LOC400499: variants seen among roughly 807,000 people sequenced by gnomAD.
chr16:11,418,306 C>G, the LOC400499 span, among the ~76,000 whole-genome samples: 2,010 of 152,188 alleles, frequency 0.013, 54 homozygotes, highest in African/African-American at 0.045. Context: ...GGCTGCATTC[C>G]CAGGAGGTCA....
the LOC400499 span, among the ~76,000 whole-genome samples, chr16:11,490,996 C>T: frequency 1.3e-5 from 2 of 152,212 alleles, no homozygotes; most frequent in East Asian, 3.8e-4. Context: ...AAGCAACAGT[C>T]ACACATATGG....
At chr16:11,401,282 C>A in the LOC400499 span, 3 of 399,006 alleles carry the variant, frequency 7.5e-6, no homozygotes, top group African/African-American at 2.1e-5. Flanking sequence ...GCTCTGCCTG[C>A]CACCCCTGCT....
chr16:11,521,860 A>G, the LOC400499 span: 1 of 398,118 alleles, frequency 2.5e-6, no homozygotes, highest in East Asian at 3.6e-5. Context: ...TCTGTTGATT[A>G]AGCAAATTGG....
the LOC400499 span, among the ~76,000 whole-genome samples, chr16:11,434,396 C>T: frequency 5.4e-3 from 828 of 152,118 alleles, 9 homozygotes; most frequent in African/African-American, 0.019. Context: ...CGGTGGTGAG[C>T]CTGTGATTCC....
chr16:11,446,863 G>A, the LOC400499 span: 2 of 1,536,050 alleles, frequency 1.3e-6, no homozygotes, highest in Non-Finnish European at 1.7e-6. Flanking sequence ...AGCTGTGAAG[G>A]TCTCCTGCAG....
At chr16:11,417,706 C>A in the LOC400499 span, 3 of 399,146 alleles carry the variant, frequency 7.5e-6, no homozygotes, top group Admixed American at 1.3e-4. Flanking sequence ...ACTGTTGTGC[C>A]AGCTCCGGCC....
chr16:11,392,780 G>A, the LOC400499 span: 2 of 984,128 alleles, frequency 2.0e-6, no homozygotes, highest in Non-Finnish European at 2.4e-6. Flanking sequence ...ACAGTGGCTG[G>A]ATCACAGCTC....
chr16:11,400,124 G>A, the LOC400499 span, among the ~76,000 whole-genome samples: 186 of 150,486 alleles, frequency 1.2e-3, no homozygotes, highest in African/African-American at 4.1e-3. Context: ...GAAAGCAACC[G>A]TGCTCCTCAC....
chr16:11,478,474 G>A, the LOC400499 span: 23 of 398,888 alleles, frequency 5.8e-5, no homozygotes, highest in Middle Eastern at 1.9e-3. Flanking sequence ...ATGCCCTTAA[G>A]TGCTTTGCCA....
At chr16:11,380,970 G>C in the LOC400499 span, 2 of 159,666 alleles carry the variant, frequency 1.3e-5, no homozygotes, top group Non-Finnish European at 2.8e-5. Context: ...CCATGAAGTT[G>C]ATTCCTGCCT....
the LOC400499 span, chr16:11,456,890 G>C: frequency 6.5e-7 from 1 of 1,536,086 alleles, no homozygotes; most frequent in East Asian, 2.4e-5. Flanking sequence ...CCCGAGATGT[G>C]TCCTTCCACT....
chr16:11,443,733 G>A, the LOC400499 span, among the ~76,000 whole-genome samples: 9 of 152,164 alleles, frequency 5.9e-5, no homozygotes, highest in African/African-American at 2.2e-4. Context: ...CCAGAGAGAT[G>A]AAATAATTTG....
chr16:11,513,311 GGGA>G, the LOC400499 span, among the ~76,000 whole-genome samples: 2 of 150,498 alleles, frequency 1.3e-5, no homozygotes. Context: ...GGGCTGAGGT[GGGA>G]GGATCACCTG....
At chr16:11,498,806 C>T in the LOC400499 span, among the ~76,000 whole-genome samples, 1 of 151,622 alleles carries the variant, frequency 6.6e-6, no homozygotes. Context: ...GTGCTGTGTC[C>T]CAGACTAATG....
chr16:11,399,079 A>C, the LOC400499 span: 4 of 397,240 alleles, frequency 1.0e-5, no homozygotes, highest in Non-Finnish European at 1.4e-5. Context: ...TCCTGCCCCA[A>C]GCTCTGCAGA....
the LOC400499 span, among the ~76,000 whole-genome samples, chr16:11,410,490 G>T: frequency 6.6e-6 from 1 of 152,228 alleles, no homozygotes; most frequent in East Asian, 1.9e-4. Context: ...AAATAAAGAA[G>T]TTCCCTGAAT....
the LOC400499 span, chr16:11,399,220 C>T: frequency 2.0e-6 from 2 of 985,288 alleles, no homozygotes; most frequent in Non-Finnish European, 2.4e-6. Context: ...ATCCCACCTT[C>T]TTCCCCATCT....
the LOC400499 span, chr16:11,392,238 C>T: frequency 3.3e-5 from 13 of 398,818 alleles, no homozygotes; most frequent in South Asian, 3.9e-4. Context: ...CCCAAGGGCT[C>T]GGGGCTCCTG....
chr16:11,454,475 C>G, the LOC400499 span, among the ~76,000 whole-genome samples: 1 of 152,188 alleles, frequency 6.6e-6, no homozygotes, highest in African/African-American at 2.4e-5. Context: ...AAAGAAAAAT[C>G]TGGACACAGA....
Sources: allele counts gnomAD v4.1 joint callset (sites outside exome capture counted in the v4.1 genomes callset), GRCh38; gene constraint gnomAD v4.1.1; transcripts MANE v1.5.